CTDP1: variants seen among roughly 807,000 people sequenced by gnomAD.
CTDP1 encodes CTD phosphatase 1.
A neutral mutation model predicts 91.8 loss-of-function variants in CTDP1; 47 were observed. That is an observed-to-expected ratio of 0.51 (90% confidence interval 0.41 to 0.65). The LOEUF (loss-of-function observed/expected upper bound fraction) is 0.65. CTDP1 is among the 30% of genes least tolerant of loss of function. CTDP1 has a pLI of 0.00. For missense variants in CTDP1, 1,272 were observed against 1,373.7 expected, an observed-to-expected ratio of 0.93 and a Z score of 1.17; for synonymous variants, 656 against 598.5, an observed-to-expected ratio of 1.10 and a Z score of -1.40.
intron 5 of CTDP1, among the ~76,000 whole-genome samples, chr18:79,707,848 T>C (rs576220820): frequency 6.6e-6 from 1 of 152,356 alleles, no homozygotes; most frequent in African/African-American, 2.4e-5. Flanking sequence ...CTGCTTTTGA[T>C]GCTTTTCATT....
intron 12 of CTDP1, among the ~76,000 whole-genome samples, chr18:79,749,280 C>T (rs1350866958): frequency 1.2e-4 from 18 of 152,208 alleles, no homozygotes; most frequent in African/African-American, 3.1e-4. Flanking sequence ...CCCAGGGTCC[C>T]GCCTGGCTCT....
chr18:79,683,858 T>G (rs556364674), intron 1 of CTDP1, among the ~76,000 whole-genome samples: 1 of 152,242 alleles, frequency 6.6e-6, no homozygotes. Context: ...TGAGGCTTGG[T>G]CGCTGTGTTC....
intron 6 of CTDP1, among the ~76,000 whole-genome samples, chr18:79,711,617 T>C (rs1418381143): frequency 6.6e-6 from 1 of 152,206 alleles, no homozygotes; most frequent in African/African-American, 2.4e-5. Context: ...CGTCAGCATC[T>C]GAGGTTGATA....
intron 12 of CTDP1, among the ~76,000 whole-genome samples, chr18:79,749,319 GGCCCCT>G (rs981141130): frequency 5.3e-5 from 8 of 151,966 alleles, no homozygotes; most frequent in African/African-American, 1.7e-4. Flanking sequence ...TTTCGGTCGG[GGCCCCT>G]GCCCCTGCCC....
upstream of CTDP1, among the ~76,000 whole-genome samples, chr18:79,676,963 T>C (rs1399921718): frequency 2.0e-5 from 3 of 152,244 alleles, no homozygotes; most frequent in Non-Finnish European, 2.9e-5. Context: ...TCTATCCAGG[T>C]TGGAGTTGTA....
At chr18:79,682,606 G>A (rs1400044616) in intron 1 of CTDP1, among the ~76,000 whole-genome samples, 6 of 152,186 alleles carry the variant, frequency 3.9e-5, no homozygotes, top group Admixed American at 2.6e-4. Context: ...TCTGCTGTTC[G>A]CATCCATGGG....
intron 10 of CTDP1, among the ~76,000 whole-genome samples, chr18:79,721,658 C>T (rs184994512): frequency 1.7e-4 from 26 of 152,156 alleles, no homozygotes; most frequent in Admixed American, 4.6e-4. Context: ...GAGGTGGACC[C>T]GCAAGGATCT....
intron 5 of CTDP1, 120 bp downstream of exon 5, chr18:79,705,037 A>G: frequency 6.7e-7 from 1 of 1,486,398 alleles, no homozygotes; most frequent in Admixed American, 1.9e-5. Context: ...TTGTAGTCTT[A>G]GGGTTGGCCG....
At chr18:79,729,102 A>T in intron 11 of CTDP1, 33 bp downstream of exon 11, 1 of 1,611,564 alleles carries the variant, frequency 6.2e-7, no homozygotes, top group Non-Finnish European at 8.5e-7. Flanking sequence ...TGCCCGCGCC[A>T]GCGCTCGTGC....
chr18:79,697,850 T>C lies in CTDP1; in HGVS notation c.493-10T>C. The C allele has an allele frequency of 6.2e-7, 1 of 1,614,164 alleles. No individual in the cohort carries two copies. Among genetic ancestry groups the C allele is most frequent in the Non-Finnish European group, 8.5e-7 (1 of 1,180,036 alleles). On this transcript the variant is annotated splice_polypyrimidine_tract_variant and intron_variant, in intron 3 of 12. Transcript: ENST00000613122. The stretch of plus-strand genomic sequence containing the variant: ...TGACTTTGTCATTTCTTGTTTCTTT[T>C]TAATTGTAGCAAGCTGAACAGCTGG...
rs1256372652 is a variant in CTDP1 at position 79,718,036 on chromosome 18, C to G, written c.2417+20C>G. 1.2e-6 allele frequency: 2 copies of G among 1,611,750 alleles called. No individual in the cohort carries two copies. The highest frequency in any genetic ancestry group is 1.7e-5 in the Admixed American group (1 of 59,976). ...CTTCAGGTACGTGGCGGCCCAGCCA[C>G]TGTCCCCAGCTAATGAGGGCTCTTC... is the stretch of plus-strand genomic sequence containing the variant. On this transcript the variant is annotated intron_variant, in intron 10 of 12. Coordinates refer to ENST00000613122, the MANE Select transcript of CTDP1 (RefSeq NM_004715.5).
intron 10 of CTDP1, among the ~76,000 whole-genome samples, chr18:79,720,081 T>C (rs1213254360): frequency 6.8e-6 from 1 of 146,158 alleles, no homozygotes; most frequent in African/African-American, 2.6e-5. Context: ...CCTCCCATCG[T>C]GTCCTGGTGA....
At chr18:79,705,133 T>C (rs1370645251) in intron 5 of CTDP1, among the ~76,000 whole-genome samples, 2 of 152,112 alleles carry the variant, frequency 1.3e-5, no homozygotes, top group African/African-American at 4.8e-5. Flanking sequence ...GGTGCGGTAC[T>C]GGGTGGGCCG....
intron 10 of CTDP1, among the ~76,000 whole-genome samples, chr18:79,724,808 A>G (rs960214614): frequency 3.3e-5 from 5 of 152,228 alleles, no homozygotes; most frequent in Admixed American, 6.5e-5. Flanking sequence ...ATAGTCTTTC[A>G]TGCGACACCT....
chr18:79,680,329 GGCT>G, intron 1 of CTDP1, 68 bp downstream of exon 1: 1 of 1,198,616 alleles, frequency 8.3e-7, no homozygotes, highest in South Asian at 3.7e-5. Context: ...AGGACCCCCG[GGCT>G]GCTGCGTCCG....
At position 79,715,299 on chromosome 18, in the gene CTDP1, C is replaced by A. The variant is rs1568195948; in HGVS notation, c.1839C>A (p.Asn613Lys). The A allele has an allele frequency of 1.2e-6, 2 of 1,610,288 alleles. No individual in the cohort carries two copies. The highest frequency in any genetic ancestry group is 1.7e-5 in the Admixed American group (1 of 59,306). Residue 613 changes from asparagine to lysine, a missense_variant, in exon 8 of 13, where the codon AAC becomes AAA. Asn to Lys is a moderately conservative substitution (Grantham distance 94, BLOSUM62 0). Around this residue, in one of 3 missense-constraint regions of CTDP1, gnomAD observed 881 missense variants for 911.6 expected, o/e 0.97. Transcript: ENST00000613122. ...DYYAKYDRYL[N>K]KEIEEAPDIR... is the part of the protein sequence containing the mutation. ...ATGCCAAGTATGACCGCTACCTCAA[C>A]AAGGAGATCGAGGAGGCGCCGGACA...
At chr18:79,724,128 C>T (rs1483774906) in intron 10 of CTDP1, among the ~76,000 whole-genome samples, 5 of 152,244 alleles carry the variant, frequency 3.3e-5, no homozygotes, top group African/African-American at 7.2e-5. Context: ...TCGCACCTTT[C>T]TGAGCACTGA....
intron 1 of CTDP1, among the ~76,000 whole-genome samples, chr18:79,694,522 G>C: frequency 6.7e-6 from 1 of 149,222 alleles, no homozygotes; most frequent in Non-Finnish European, 1.5e-5. Flanking sequence ...GAGCAGCCCG[G>C]CTGGGGTGGG....
intron 11 of CTDP1, among the ~76,000 whole-genome samples, chr18:79,733,316 G>A (rs180708058): frequency 3.3e-5 from 5 of 152,304 alleles, no homozygotes; most frequent in Admixed American, 2.0e-4. Flanking sequence ...ACAAACACCC[G>A]CCTGTCTCAG....
Sources: gnomAD v4.1 joint callset for allele counts (sites outside exome capture counted in the v4.1 genomes callset) on GRCh38, gnomAD v4.1.1 for gene constraint, gnomAD v4.1.1 regional missense constraint, MANE v1.5 for transcripts, NCBI Gene and HGNC (gene_info 2026-07-23, HGNC 2026-07-21) for gene names.